FSTL5: variants seen among roughly 807,000 people sequenced by gnomAD.
The protein encoded by FSTL5 is follistatin-related protein 5.
FSTL5 carries 62 observed loss-of-function variants against 89.1 expected under a neutral mutation model. The observed-to-expected ratio is 0.70, with a 90% CI of 0.57 to 0.86. FSTL5 has a LOEUF of 0.86. Ranked by LOEUF, FSTL5 falls within the 40% of genes least tolerant of loss-of-function variation. The pLI is 0.00. For missense variants in FSTL5, 1,057 were observed against 1,001.6 expected (o/e 1.06, Z -0.75); for synonymous variants, 383 against 346.2 (o/e 1.11, Z -1.18).
intron 3 of FSTL5, among the ~76,000 whole-genome samples, chr4:161,935,091 A>C (rs181931855): frequency 4.9e-4 from 75 of 152,204 alleles, no homozygotes; most frequent in African/African-American, 1.8e-3. Context: ...ATTTTAGGCA[A>C]TTTCCTGTGC....
At chr4:161,831,198 T>C (rs900757700) in intron 4 of FSTL5, among the ~76,000 whole-genome samples, 1 of 151,986 alleles carries the variant, frequency 6.6e-6, no homozygotes, top group Non-Finnish European at 1.5e-5. Flanking sequence ...ATATATATTT[T>C]ATAACATCAT....
At chr4:161,947,855 T>C (rs1734777703) in intron 3 of FSTL5, among the ~76,000 whole-genome samples, 1 of 152,196 alleles carries the variant, frequency 6.6e-6, no homozygotes, top group African/African-American at 2.4e-5. Context: ...AAATCCATGA[T>C]TTGGTGTGTC....
At chr4:162,133,411 TA>T (rs1390382251) in intron 1 of FSTL5, among the ~76,000 whole-genome samples, 4 of 152,234 alleles carry the variant, frequency 2.6e-5, no homozygotes, top group Non-Finnish European at 5.9e-5. Flanking sequence ...CTCATGTTTT[TA>T]CAGCACACCA....
At chr4:161,586,846 C>T (rs1250070546) in intron 8 of FSTL5, among the ~76,000 whole-genome samples, 1 of 152,158 alleles carries the variant, frequency 6.6e-6, no homozygotes, top group African/African-American at 2.4e-5. Context: ...TTTCTGCCTC[C>T]TTTTCATAAA....
At chr4:161,812,224 A>G (rs1489576552) in intron 4 of FSTL5, among the ~76,000 whole-genome samples, 2 of 152,224 alleles carry the variant, frequency 1.3e-5, no homozygotes, top group Non-Finnish European at 2.9e-5. Flanking sequence ...GGACAAATGT[A>G]TTTAGAAATA....
intron 4 of FSTL5, among the ~76,000 whole-genome samples, chr4:161,895,947 A>C (rs1733145266): frequency 6.6e-6 from 1 of 152,292 alleles, no homozygotes; most frequent in East Asian, 1.9e-4. Flanking sequence ...TATTATTTTC[A>C]ATTAGAAATC....
chr4:162,028,524 C>G (rs764175846), intron 3 of FSTL5, among the ~76,000 whole-genome samples: 18 of 152,188 alleles, frequency 1.2e-4, no homozygotes, highest in Admixed American at 2.0e-4. Context: ...TTGCAGTGAG[C>G]TGAGATCTTG....
rs1231441108 is a variant in FSTL5, at chr4:161,384,094, G to C, written c.*1653C>G. The C allele has an allele frequency of 6.6e-6, 1 of 152,080 alleles. No homozygotes were observed. Among genetic ancestry groups the C allele is most frequent in the Non-Finnish European group, 1.5e-5 (1 of 67,984 alleles). 9.4% of individuals were successfully genotyped at this position (152,080 alleles called of 1,614,324 possible). ...GCAGATTCAATAAGTAGAAACATAA[G>C]CTGATTTTTGTTGTTTATTAAATCT... On this transcript the variant is annotated 3_prime_UTR_variant, in exon 16 of 16. Coordinates refer to ENST00000306100, the MANE Select transcript of FSTL5 (RefSeq NM_020116.5).
chr4:161,559,419 C>T (rs1322561316), intron 8 of FSTL5, among the ~76,000 whole-genome samples: 2 of 150,942 alleles, frequency 1.3e-5, no homozygotes, highest in South Asian at 2.1e-4. Flanking sequence ...CTTCATTGTC[C>T]TTTATCTCTT....
intron 3 of FSTL5, among the ~76,000 whole-genome samples, chr4:161,956,328 T>C (rs1735025290): frequency 6.6e-6 from 1 of 151,648 alleles, no homozygotes; most frequent in Admixed American, 6.6e-5. Context: ...TATATACAAA[T>C]AAGTTACAGA....
chr4:161,804,102 C>T (rs188765940), intron 4 of FSTL5, among the ~76,000 whole-genome samples: 1 of 152,094 alleles, frequency 6.6e-6, no homozygotes, highest in African/African-American at 2.4e-5. Flanking sequence ...AGCATCTGCA[C>T]ATCAAATCCT....
chr4:161,888,411 AAAC>A (rs1274166074), intron 4 of FSTL5, among the ~76,000 whole-genome samples: 1 of 152,170 alleles, frequency 6.6e-6, no homozygotes, highest in Non-Finnish European at 1.5e-5. Flanking sequence ...CAAACCTGGA[AAAC>A]ACATGCTGGA....
intron 15 of FSTL5, among the ~76,000 whole-genome samples, chr4:161,391,137 T>C (rs777159381): frequency 6.6e-6 from 1 of 152,190 alleles, no homozygotes. Context: ...CAAAAGCATT[T>C]TGAAAGCTGT....
At chr4:161,424,171 C>T (rs1204662980) in intron 15 of FSTL5, among the ~76,000 whole-genome samples, 4 of 151,844 alleles carry the variant, frequency 2.6e-5, no homozygotes, top group East Asian at 1.9e-4. Context: ...GCCACCACGC[C>T]CAGCCCTTTC....
intron 13 of FSTL5, among the ~76,000 whole-genome samples, chr4:161,476,189 G>GTTTTTTTTTTTTTTTTTTTTTTTT (rs1241724019): frequency 9.4e-6 from 1 of 106,892 alleles, no homozygotes; most frequent in South Asian, 3.2e-4. Context: ...TTTTTTTTTT[G>GTTTTTTTTTTTTTTTTTTTTTTTT]TTTGTTTGTT....
chr4:161,766,432 T>C (rs1270388102), intron 5 of FSTL5, among the ~76,000 whole-genome samples: 1 of 152,140 alleles, frequency 6.6e-6, no homozygotes, highest in Non-Finnish European at 1.5e-5. Flanking sequence ...TATGCTCCTC[T>C]AAGTAACACT....
At chr4:161,809,244 T>A (rs546768186) in intron 4 of FSTL5, among the ~76,000 whole-genome samples, 1 of 151,762 alleles carries the variant, frequency 6.6e-6, no homozygotes, top group East Asian at 1.9e-4. Flanking sequence ...AAAATGCAAA[T>A]CCAAAATACA....
chr4:162,033,340 T>A (rs1026159726), intron 3 of FSTL5, among the ~76,000 whole-genome samples: 4 of 152,148 alleles, frequency 2.6e-5, no homozygotes, highest in Admixed American at 2.0e-4. Flanking sequence ...GTAGGGACAA[T>A]GGTTGGTGGA....
At chr4:162,023,296 T>C (rs1737163252) in intron 3 of FSTL5, among the ~76,000 whole-genome samples, 1 of 152,182 alleles carries the variant, frequency 6.6e-6, no homozygotes, top group Non-Finnish European at 1.5e-5. Flanking sequence ...ATATAGTTGA[T>C]GTTCAACACT....
Sources: allele counts gnomAD v4.1 joint callset (sites outside exome capture counted in the v4.1 genomes callset), GRCh38; gene constraint gnomAD v4.1.1; transcripts MANE v1.5; gene names NCBI Gene and HGNC (gene_info 2026-07-23, HGNC 2026-07-21).